C7: variants seen among roughly 807,000 people sequenced by gnomAD.
The protein encoded by C7 is complement C7.
A neutral mutation model predicts 104.8 loss-of-function variants in C7; 83 were observed. The ratio of observed to expected loss-of-function variants is 0.79; its 90% CI spans 0.66 to 0.95. The LOEUF is 0.95. Ranked by LOEUF, C7 falls within the 40% of genes least tolerant of loss-of-function variation. The pLI, the probability that C7 is intolerant of heterozygous loss-of-function variation, is 0.00. For missense variants in C7, 1,070 were observed against 1,011.2 expected, an observed-to-expected ratio of 1.06 and a Z score of -0.79; for synonymous variants, 415 against 360.6, an observed-to-expected ratio of 1.15 and a Z score of -1.71.
chr5:40,957,998 C>T (rs751521205), intron 10 of C7, 35 bp from the exon 11 acceptor site: 33 of 1,465,134 alleles, frequency 2.3e-5, no homozygotes, highest in Non-Finnish European at 3.0e-5. Flanking sequence ...TGCCTAAATC[C>T]CTGATTACTG....
In C7 at chr5:40,983,507, G is replaced by T. The variant is rs1740998600; in HGVS notation, c.*1934G>T. Among the ~76,000 whole-genome samples, 1 of 152,138 alleles carries T rather than the reference G, an allele frequency of 6.6e-6. No homozygotes were observed. Among genetic ancestry groups the T allele is most frequent in the Non-Finnish European group, 1.5e-5 (1 of 68,020 alleles). ...GGAGAAGTCAAGGAGAGGAGAAGGA[G>T]AGGAGCAGTGAATGTTGTCGTGAAG... is the stretch of plus-strand genomic sequence containing the variant. On this transcript the variant is annotated 3_prime_UTR_variant, in exon 18 of 18. Transcript: ENST00000313164.
chr5:40,929,897 T>C lies in C7; in HGVS notation c.63-1167T>C, dbSNP rs182719871. Among the ~76,000 whole-genome samples the C allele has an allele frequency of 4.6e-5, 7 of 152,282 alleles. No homozygotes were observed. In the East Asian group the frequency reaches 9.7e-4, roughly 21 times the overall value. ...CTCTGCCAATTTTTAGTTTTCCACTTCTCATGGGGACTTTTTATAGTTTCT... is the reference window on the plus strand; with the variant it reads ...CTCTGCCAATTTTTAGTTTTCCACTCCTCATGGGGACTTTTTATAGTTTCT... On this transcript the variant is annotated intron_variant, in intron 2 of 17. Coordinates refer to ENST00000313164, the MANE Select transcript of C7 (RefSeq NM_000587.4).
chr5:40,943,576 G>A (rs1332998583), intron 6 of C7, among the ~76,000 whole-genome samples: 2 of 143,474 alleles, frequency 1.4e-5, no homozygotes, highest in Non-Finnish European at 3.1e-5. Context: ...TTTTTTTTTT[G>A]CATTGAAAGG....
In C7 at chr5:40,964,886, A is replaced by C. The variant is rs748711333; in HGVS notation, c.1882+13A>C. 6.2e-6 allele frequency: 10 copies of C among 1,612,828 alleles called. No homozygotes were observed. The highest frequency in any genetic ancestry group is 8.5e-6 in the Non-Finnish European group (10 of 1,179,508). On this transcript the variant is annotated intron_variant, in intron 14 of 17. Transcript: ENST00000313164. ...ATGCATTGTCAGAGTGAGTGGCGTC[A>C]GTTGTATATAATTTAAGATGAGAAA... is the stretch of plus-strand genomic sequence containing the variant.
intron 6 of C7, among the ~76,000 whole-genome samples, chr5:40,940,139 T>C (rs1283331594): frequency 3.9e-5 from 6 of 152,172 alleles, no homozygotes; most frequent in Admixed American, 3.9e-4. Flanking sequence ...CTCTTTGAGG[T>C]GGAAAGTGAC....
chr5:40,962,318 G>T lies in C7; in HGVS notation c.1749+146G>T, dbSNP rs1740439043. ...TTTAGTTTTAGTGGTGAGGGTTTTA[G>T]TGTGTGACTTTTTTTCTTTGGCCCA... On this transcript the variant is annotated intron_variant, in intron 13 of 17. Coordinates refer to ENST00000313164, the MANE Select transcript of C7 (RefSeq NM_000587.4). 5 of 490,560 alleles carry T rather than the reference G, an allele frequency of 1.0e-5. No individual in the cohort carries two copies. In the South Asian group the frequency reaches 1.8e-4, roughly 18 times the overall value. The allele number at this position is 490,560 out of a possible 1,614,324, so 30.4% of individuals were successfully genotyped here.
chr5:40,964,918 T>G (rs1740512175), intron 14 of C7, 45 bp downstream of exon 14: 1 of 1,601,386 alleles, frequency 6.2e-7, no homozygotes, highest in Non-Finnish European at 8.5e-7. Context: ...GAAAATTACG[T>G]GGAAGAGAAT....
At chr5:40,934,752 G>A (rs900629811) in intron 4 of C7, among the ~76,000 whole-genome samples, 45 of 152,114 alleles carry the variant, frequency 3.0e-4, no homozygotes, top group African/African-American at 1.0e-3. Flanking sequence ...TGTATTTTGA[G>A]TAAAGATGCA....
At chr5:40,918,901 A>G (rs1462959357) in intron 1 of C7, among the ~76,000 whole-genome samples, 1 of 151,504 alleles carries the variant, frequency 6.6e-6, no homozygotes, top group African/African-American at 2.4e-5. Flanking sequence ...GAAAATTAGT[A>G]AGAAAACATT....
intron 1 of C7, among the ~76,000 whole-genome samples, chr5:40,914,524 A>C (rs1739277906): frequency 6.6e-6 from 1 of 152,084 alleles, no homozygotes; most frequent in Non-Finnish European, 1.5e-5. Flanking sequence ...GGCCTTAGTT[A>C]TGAATTCTTG....
At chr5:40,909,801 A>G (rs987415437) in intron 1 of C7, among the ~76,000 whole-genome samples, 185 bp downstream of exon 1, 1 of 152,232 alleles carries the variant, frequency 6.6e-6, no homozygotes, top group Admixed American at 6.5e-5. Context: ...TTATTTAAAC[A>G]TATTTAACAG....
At chr5:40,940,268 T>C (rs1739907714) in intron 6 of C7, among the ~76,000 whole-genome samples, 1 of 152,216 alleles carries the variant, frequency 6.6e-6, no homozygotes, top group Non-Finnish European at 1.5e-5. Context: ...ACCCAATTTC[T>C]TGTCGAGTAA....
At chr5:40,968,963 T>G (rs1740631592) in intron 14 of C7, among the ~76,000 whole-genome samples, 1 of 152,054 alleles carries the variant, frequency 6.6e-6, no homozygotes, top group Admixed American at 6.6e-5. Context: ...GCATAGTGAA[T>G]TTTTAAATTA....
intron 1 of C7, among the ~76,000 whole-genome samples, chr5:40,911,894 A>C (rs1187506628): frequency 1.3e-5 from 2 of 150,038 alleles, no homozygotes; most frequent in Admixed American, 6.7e-5. Context: ...GTGCGCCACC[A>C]TGCCTTGCTA....
At chr5:40,970,684 G>C (rs1174292409) in intron 14 of C7, among the ~76,000 whole-genome samples, 1 of 152,030 alleles carries the variant, frequency 6.6e-6, no homozygotes, top group Non-Finnish European at 1.5e-5. Flanking sequence ...GTAGTTTGCT[G>C]CATCTATCAA....
chr5:40,952,461 G>C (rs1341808104), intron 9 of C7, among the ~76,000 whole-genome samples: 2 of 133,564 alleles, frequency 1.5e-5, no homozygotes, highest in Middle Eastern at 3.9e-3. Flanking sequence ...CATCATGATG[G>C]TAGAATCTGT....
intron 15 of C7, among the ~76,000 whole-genome samples, chr5:40,975,584 G>A (rs1740801175): frequency 6.6e-6 from 1 of 152,052 alleles, no homozygotes; most frequent in African/African-American, 2.4e-5. Context: ...GGCTGGTCGT[G>A]AACTCCTGAC....
At chr5:40,971,855 A>G (rs1348846220) in intron 14 of C7, among the ~76,000 whole-genome samples, 2 of 152,084 alleles carry the variant, frequency 1.3e-5, no homozygotes, top group Non-Finnish European at 2.9e-5. Flanking sequence ...TCCTTTCCCC[A>G]TTGCTTTTCT....
intron 11 of C7, 119 bp downstream of exon 11, chr5:40,958,380 A>C (rs1392495627): frequency 3.4e-6 from 2 of 590,318 alleles, no homozygotes; most frequent in African/African-American, 1.9e-5. Flanking sequence ...ATGAATTTAG[A>C]ATCCTCCTTC....
Sources: gnomAD v4.1 joint callset for allele counts (sites outside exome capture counted in the v4.1 genomes callset) on GRCh38, gnomAD v4.1.1 for gene constraint, MANE v1.5 for transcripts, NCBI Gene and HGNC (gene_info 2026-07-23, HGNC 2026-07-21) for gene names.